POLR1A: variants seen among roughly 807,000 people sequenced by gnomAD.
POLR1A encodes the protein RNA polymerase I subunit A, also known as DNA-directed RNA polymerase I subunit RPA1.
A neutral mutation model predicts 205.3 loss-of-function variants in POLR1A; 84 were observed. The observed-to-expected ratio is 0.41, with a 90% CI of 0.34 to 0.49. POLR1A has a LOEUF of 0.49. Among genes scored for constraint, POLR1A ranks in the 20% least tolerant of loss-of-function variants. The pLI is 0.22. For synonymous variants in POLR1A, 799 were observed against 863.7 expected, an observed-to-expected ratio of 0.93 and a Z score of 1.31; for missense variants, 1,645 against 2,204.5, an observed-to-expected ratio of 0.75 and a Z score of 5.08.
chr2:86,045,233 G>A (rs1672689770), intron 21 of POLR1A, 45 bp downstream of exon 21: 6 of 1,198,434 alleles, frequency 5.0e-6, no homozygotes, highest in South Asian at 1.3e-5. Context: ...ATGGCAGGAA[G>A]GGCCCTGGCA....
In POLR1A at chr2:86,023,117, CG is replaced by C. The variant is rs2104371043; in HGVS notation, c.*4305del. ...TGAGAGCCTCTAAGTGGACTTTGGA[CG>C]GAAGTGGGGTGGAGGTTGATGGTGT... On this transcript the variant is annotated 3_prime_UTR_variant, in exon 34 of 34. Coordinates refer to ENST00000263857, the MANE Select transcript of POLR1A (RefSeq NM_015425.6). 6.6e-6 allele frequency: 1 copy of C among 152,274 alleles called. No homozygotes were observed. The highest frequency in any genetic ancestry group is 2.1e-4 in the South Asian group (1 of 4,826). The allele number at this position is 152,274 out of a possible 1,614,324, so 9.4% of individuals were successfully genotyped here.
At position 86,028,141 on chromosome 2, in the gene POLR1A, T is replaced by C. The variant is rs1672305405; in HGVS notation, c.4898-92A>G. The C allele has an allele frequency of 8.1e-7, 1 of 1,236,238 alleles. No homozygotes were observed. Among genetic ancestry groups the C allele is most frequent in the Non-Finnish European group, 1.2e-6 (1 of 845,442 alleles). The allele number at this position is 1,236,238 out of a possible 1,614,324, so 76.6% of individuals were successfully genotyped here. ...GCCAAGCTGCCTCCACATCAGCACA[T>C]GGCTTGGGAGTTAGACTCTGGGGCT... On this transcript the variant is annotated intron_variant, in intron 32 of 33. Transcript: ENST00000263857. This position sits in a 1 kb window ranked among gnomAD's most constrained non-coding sequence, Gnocchi z 4.5.
At chr2:86,100,201 A>G (rs1221271694) in intron 1 of POLR1A, 29 bp from the exon 2 acceptor site, 4 of 1,550,174 alleles carry the variant, frequency 2.6e-6, no homozygotes, top group Non-Finnish European at 3.6e-6. Flanking sequence ...CCAAGAGGAA[A>G]GCTAAAGTTA....
intron 30 of POLR1A, among the ~76,000 whole-genome samples, chr2:86,030,613 T>C (rs559371888): frequency 1.3e-5 from 2 of 152,138 alleles, no homozygotes; most frequent in African/African-American, 4.8e-5. Context: ...AACAGTGGGG[T>C]TGTTTTCACA....
chr2:86,100,963 A>G (rs1045062521), intron 1 of POLR1A, among the ~76,000 whole-genome samples: 1 of 152,202 alleles, frequency 6.6e-6, no homozygotes, highest in African/African-American at 2.4e-5. Context: ...TACAAACAGA[A>G]TGTGGGGGAG....
chr2:86,039,766 C>A (rs1184331774), intron 25 of POLR1A, among the ~76,000 whole-genome samples: 1 of 152,214 alleles, frequency 6.6e-6, no homozygotes, highest in Non-Finnish European at 1.5e-5. Context: ...AATGAACAAG[C>A]GATGCAGGGA....
intron 11 of POLR1A, among the ~76,000 whole-genome samples, chr2:86,075,738 C>T (rs557047640): frequency 4.6e-5 from 7 of 152,336 alleles, no homozygotes; most frequent in Non-Finnish European, 1.0e-4. Context: ...AAACTCCCAA[C>T]CTCAGCTGAT....
At chr2:86,077,705 T>G (rs904278860) in intron 11 of POLR1A, among the ~76,000 whole-genome samples, 154 bp downstream of exon 11, 8 of 152,030 alleles carry the variant, frequency 5.3e-5, no homozygotes, top group Non-Finnish European at 1.0e-4. Context: ...AGGCAGAAGC[T>G]AGTTCCGCCC....
At chr2:86,053,661 G>C (rs1672846414) in intron 15 of POLR1A, among the ~76,000 whole-genome samples, 1 of 152,162 alleles carries the variant, frequency 6.6e-6, no homozygotes, top group Non-Finnish European at 1.5e-5. Context: ...AAGACTCTGT[G>C]ATAACGCGTT....
At chr2:86,041,024 A>T (rs1672590625) in intron 24 of POLR1A, among the ~76,000 whole-genome samples, 2 of 152,184 alleles carry the variant, frequency 1.3e-5, no homozygotes, top group African/African-American at 2.4e-5. Context: ...TTATATTTTT[A>T]GTTAGTGCAA....
At chr2:86,058,915 G>A (rs758805104) in intron 14 of POLR1A, among the ~76,000 whole-genome samples, 17 of 151,948 alleles carry the variant, frequency 1.1e-4, no homozygotes, top group African/African-American at 3.6e-4. Context: ...CCAGGGGTTC[G>A]AGACCAGCCA....
intron 13 of POLR1A, among the ~76,000 whole-genome samples, chr2:86,067,521 CTATTT>C (rs1170299571): frequency 2.6e-5 from 4 of 152,108 alleles, no homozygotes; most frequent in Admixed American, 6.5e-5. Context: ...CATTCAACTC[CTATTT>C]TAAGTAAAAA....
intron 22 of POLR1A, among the ~76,000 whole-genome samples, 186 bp downstream of exon 22, chr2:86,043,953 G>A (rs1672663832): frequency 6.6e-6 from 1 of 152,204 alleles, no homozygotes. Flanking sequence ...CTCAAGTGAT[G>A]AAAGTTCACA....
intron 1 of POLR1A, among the ~76,000 whole-genome samples, chr2:86,103,269 T>G (rs552874583): frequency 4.0e-4 from 60 of 151,396 alleles, no homozygotes; most frequent in Middle Eastern, 3.4e-3. Context: ...GGGCAGAGGG[T>G]TTTACAGGAG....
Position 86,053,008 on chromosome 2 carries a change from G to A in POLR1A, c.2209-8C>T, listed in dbSNP as rs763917802. The A allele has an allele frequency of 6.4e-7, 1 of 1,556,470 alleles. No homozygotes were observed. Among genetic ancestry groups the A allele is most frequent in the Non-Finnish European group, 8.7e-7 (1 of 1,148,220 alleles). Reference sequence around the variant, plus strand: ...CCCTTCCCTGATGATCACCTGCAGAGGGCAAGGCCACCAATGCCGGGCTGC... The same window carrying A: ...CCCTTCCCTGATGATCACCTGCAGAAGGCAAGGCCACCAATGCCGGGCTGC... On this transcript the variant is annotated splice_region_variant and splice_polypyrimidine_tract_variant and intron_variant, in intron 15 of 33. Coordinates refer to ENST00000263857, the MANE Select transcript of POLR1A (RefSeq NM_015425.6).
chr2:86,073,849 A>G (rs17509566), intron 12 of POLR1A, among the ~76,000 whole-genome samples: 10,438 of 152,232 alleles, frequency 0.069, 535 homozygotes, highest in Non-Finnish European at 0.1. Context: ...TCTGTTTCAC[A>G]TGTTTGACCT....
At chr2:86,034,909 C>A (rs1205661647) in intron 27 of POLR1A, among the ~76,000 whole-genome samples, 2 of 152,088 alleles carry the variant, frequency 1.3e-5, no homozygotes, top group Non-Finnish European at 2.9e-5. Context: ...GTCTCTCTAT[C>A]CCCCAGGCTG....
Position 86,045,767 on chromosome 2 carries a change from G to C in POLR1A, c.2736C>G (p.Ile912Met). The change falls in exon 20 of 34, where the codon ATC becomes ATG. Residue 912 changes from isoleucine (I) to methionine (M), a missense_variant and splice_region_variant. Transcript: ENST00000263857. Reference protein sequence around the residue: ...AKGSTVNTMQISCLLGQIELE... With the variant: ...AKGSTVNTMQMSCLLGQIELE... The stretch of plus-strand genomic sequence containing the variant: ...GTTCAATCTGGCCCAGCAGGCACGA[G>C]ATCTGGAGGACAGGAAATCCACAGG... The C allele has an allele frequency of 1.9e-6, 3 of 1,603,366 alleles. No homozygotes were observed. Among genetic ancestry groups the C allele is most frequent in the Non-Finnish European group, 2.5e-6 (3 of 1,177,566 alleles).
Position 86,038,680 on chromosome 2 carries a change from A to G in POLR1A, c.4034+20T>C, listed in dbSNP as rs774621691. Reference sequence around the variant, plus strand: ...ATTCTCTGGGTCAAGGTCAATGACAATCACAGCCTGAGCCCTGACCTTGTT... The same window carrying G: ...ATTCTCTGGGTCAAGGTCAATGACAGTCACAGCCTGAGCCCTGACCTTGTT... On this transcript the variant is annotated intron_variant, in intron 27 of 33. Coordinates refer to ENST00000263857, the MANE Select transcript of POLR1A (RefSeq NM_015425.6). The G allele has an allele frequency of 1.2e-6, 2 of 1,612,044 alleles. No individual in the cohort carries two copies. The highest frequency in any genetic ancestry group is 1.3e-5 in the African/African-American group (1 of 75,010).
Sources: gnomAD v4.1 joint callset for allele counts (sites outside exome capture counted in the v4.1 genomes callset) on GRCh38, gnomAD v4.1.1 for gene constraint, Gnocchi (gnomAD v3.1) non-coding constraint, MANE v1.5 for transcripts, NCBI Gene and HGNC (gene_info 2026-07-23, HGNC 2026-07-21) for gene names.